Variants in OXR1 observed in about 807,000 individuals in gnomAD.
OXR1 encodes the protein oxidation resistance 1, also known as oxidation resistance protein 1.
OXR1 carries 41 observed loss-of-function variants against 104.6 expected under a neutral mutation model. The observed-to-expected ratio is 0.39, with a 90% confidence interval of 0.31 to 0.51. The LOEUF is 0.51. Among genes scored for constraint, OXR1 ranks in the 20% least tolerant of loss-of-function variants. The pLI, the probability that OXR1 is intolerant of heterozygous loss-of-function variation, is 0.77. For missense variants in OXR1, 955 were observed against 1,031.9 expected (o/e 0.93, Z 1.02); for synonymous variants, 348 against 348.4 (o/e 1.00, Z 0.01).
At chr8:106,458,619 A>G (rs1012765651) in intron 2 of OXR1, among the ~76,000 whole-genome samples, 2 of 152,120 alleles carry the variant, frequency 1.3e-5, no homozygotes, top group Admixed American at 1.3e-4. Context: ...AGCTTGCAGC[A>G]TCAGCCTGGG....
At chr8:106,609,390 G>C (rs549262128) in intron 3 of OXR1, among the ~76,000 whole-genome samples, 1 of 152,242 alleles carries the variant, frequency 6.6e-6, no homozygotes, top group East Asian at 1.9e-4. Context: ...TAATCACATA[G>C]TAGCTTTGCC....
intron 3 of OXR1, among the ~76,000 whole-genome samples, chr8:106,609,852 A>ACG (rs1820682906): frequency 1.0e-4 from 1 of 9,734 alleles, no homozygotes; most frequent in Admixed American, 1.9e-3. Flanking sequence ...TAACACACAC[A>ACG]CACACACATT....
At position 106,464,169 on chromosome 8, in the gene OXR1, A is replaced by G. The variant is rs529829535; in HGVS notation, c.24-54774A>G. On this transcript the variant is annotated intron_variant, in intron 2 of 16. Transcript: ENST00000517566. ...TGACCTGAACCCAGAATCTTCATAG[A>G]AAGGTACTGTATTCCACAAATATTT... is the stretch of plus-strand genomic sequence containing the variant. Among the ~76,000 whole-genome samples, 6 of 152,238 alleles carry G rather than the reference A, an allele frequency of 3.9e-5. No individual in the cohort carries two copies. In the East Asian group the frequency reaches 1.2e-3, roughly 29 times the overall value.
chr8:106,706,759 A>G lies in OXR1; in HGVS notation c.1238A>G (p.Asp413Gly), dbSNP rs759796117. Reference sequence around the variant, plus strand: ...GTTGGGACTTTATGTCATAAAACTGATTTAAATAATCTTGAAATGGCCATT... The same window carrying G: ...GTTGGGACTTTATGTCATAAAACTGGTTTAAATAATCTTGAAATGGCCATT... ...NEVGTLCHKT[D>G]LNNLEMAIKE... The change falls in exon 9 of 17, where the codon GAT becomes GGT. Residue 413 changes from aspartate to glycine, a missense_variant. Physicochemically the swap from Asp to Gly is moderately conservative, Grantham distance 94. This residue lies in a region of OXR1 where 849 missense variants were observed against 852.9 expected (regional missense o/e 1.00). Transcript: ENST00000517566. 4 of 1,612,702 alleles carry G rather than the reference A, an allele frequency of 2.5e-6. No homozygotes were observed. Among genetic ancestry groups the G allele is most frequent in the Non-Finnish European group, 3.4e-6 (4 of 1,179,712 alleles).
chr8:106,544,621 C>T (rs1487910141), intron 3 of OXR1, among the ~76,000 whole-genome samples: 1 of 152,038 alleles, frequency 6.6e-6, no homozygotes, highest in East Asian at 1.9e-4. Flanking sequence ...CTGTTTTCCT[C>T]TGCAAATAAA....
At chr8:106,275,607 T>C (rs971477738) in intron 1 of OXR1, among the ~76,000 whole-genome samples, 6 of 152,364 alleles carry the variant, frequency 3.9e-5, no homozygotes, top group Middle Eastern at 3.4e-3. Flanking sequence ...TATACTTGTT[T>C]GGAGAAACCA....
intron 2 of OXR1, among the ~76,000 whole-genome samples, chr8:106,477,434 T>C (rs1245784208): frequency 1.3e-5 from 2 of 151,998 alleles, no homozygotes; most frequent in Non-Finnish European, 2.9e-5. Flanking sequence ...TTTTATGCAG[T>C]TATGATTGAA....
intron 6 of OXR1, among the ~76,000 whole-genome samples, chr8:106,691,472 ATATTC>A (rs1468370661): frequency 6.6e-6 from 1 of 151,920 alleles, no homozygotes; most frequent in Admixed American, 6.6e-5. Context: ...TGCTAATCTC[ATATTC>A]TTTTTAAAAG....
At chr8:106,678,700 C>T (rs1827843151) in intron 3 of OXR1, among the ~76,000 whole-genome samples, 1 of 151,904 alleles carries the variant, frequency 6.6e-6, no homozygotes, top group Non-Finnish European at 1.5e-5. Flanking sequence ...TATGAAAGCA[C>T]ACCTTGATTT....
Position 106,519,060 on chromosome 8 carries a change from T to G in OXR1, c.141T>G (p.Ile47Met), listed in dbSNP as rs1224968231. The G allele has an allele frequency of 6.4e-7, 1 of 1,551,984 alleles. No individual in the cohort carries two copies. Among genetic ancestry groups the G allele is most frequent in the Non-Finnish European group, 8.7e-7 (1 of 1,146,980 alleles). ...SKPPAPKTPIIEEEQNNAANT... is the reference protein window; with the variant it reads ...SKPPAPKTPIMEEEQNNAANT... Reference sequence around the variant, plus strand: ...CCCCGGCACCCAAGACCCCCATCATTGAAGAAGAGCAGAACAATGCAGCAA... The same window carrying G: ...CCCCGGCACCCAAGACCCCCATCATGGAAGAAGAGCAGAACAATGCAGCAA... The change falls in exon 3 of 17, where the codon ATT becomes ATG. Residue 47 changes from isoleucine (I) to methionine (M), a missense_variant. Coordinates refer to ENST00000517566, the MANE Select transcript of OXR1 (RefSeq NM_001198533.2).
At chr8:106,696,933 G>C (rs1379487607) in intron 7 of OXR1, among the ~76,000 whole-genome samples, 1 of 152,164 alleles carries the variant, frequency 6.6e-6, no homozygotes, top group African/African-American at 2.4e-5. Flanking sequence ...GTGCAGCTGT[G>C]GCTGGGGCAG....
At chr8:106,619,843 T>C (rs1227127163) in intron 3 of OXR1, among the ~76,000 whole-genome samples, 3 of 152,154 alleles carry the variant, frequency 2.0e-5, no homozygotes, top group Non-Finnish European at 4.4e-5. Flanking sequence ...TGAATTTCAA[T>C]GAAACTCCTG....
At chr8:106,436,523 A>AAAAC (rs34603107) in intron 2 of OXR1, among the ~76,000 whole-genome samples, 33,663 of 86,946 alleles carry the variant, frequency 0.39, 5,160 homozygotes, top group East Asian at 0.59. Context: ...GTGCCTATGC[A>AAAAC]AAAAAAAAAA....
intron 2 of OXR1, among the ~76,000 whole-genome samples, chr8:106,452,805 A>C (rs1820391791): frequency 1.3e-5 from 2 of 152,228 alleles, no homozygotes; most frequent in South Asian, 2.1e-4. Flanking sequence ...TCCAATTTAC[A>C]GTACATTTTA....
chr8:106,329,913 C>CA (rs372269322), intron 1 of OXR1, among the ~76,000 whole-genome samples: 1,869 of 133,124 alleles, frequency 0.014, 20 homozygotes, highest in Admixed American at 0.019. Context: ...GAACTCAATT[C>CA]AAAAAAAAAA....
At chr8:106,605,005 C>A (rs1820259765) in intron 3 of OXR1, 1 of 152,110 alleles carries the variant, frequency 6.6e-6, no homozygotes, top group Non-Finnish European at 1.5e-5. Context: ...AGATTACAAG[C>A]AGTTAATAGG....
intron 11 of OXR1, among the ~76,000 whole-genome samples, chr8:106,719,439 CAT>C (rs1389146060): frequency 2.0e-5 from 3 of 152,144 alleles, no homozygotes; most frequent in Non-Finnish European, 2.9e-5. Context: ...TCCAATTGTT[CAT>C]AGTTATTCAA....
At chr8:106,341,768 T>G (rs1164550051) in intron 1 of OXR1, among the ~76,000 whole-genome samples, 1 of 152,158 alleles carries the variant, frequency 6.6e-6, no homozygotes, top group African/African-American at 2.4e-5. Flanking sequence ...TTAAAAAGTG[T>G]TTCTCTATCT....
At chr8:106,534,686 A>T (rs995596091) in intron 3 of OXR1, among the ~76,000 whole-genome samples, 8 of 152,196 alleles carry the variant, frequency 5.3e-5, no homozygotes, top group African/African-American at 1.9e-4. Flanking sequence ...TCAGTTTTTC[A>T]ACTGTTAAAT....
Sources: gnomAD v4.1 joint callset for allele counts (sites outside exome capture counted in the v4.1 genomes callset) on GRCh38, gnomAD v4.1.1 for gene constraint, gnomAD v4.1.1 regional missense constraint, MANE v1.5 for transcripts, NCBI Gene and HGNC (gene_info 2026-07-23, HGNC 2026-07-21) for gene names.